The following RTN4 variants were observed in gnomAD, a reference collection of about 807,000 sequenced individuals.
RTN4 encodes the protein reticulon-4.
In RTN4, 32 loss-of-function variants were observed where a neutral mutation model predicts 90.4. The observed-to-expected ratio is 0.35, with a 90% CI of 0.27 to 0.48. The LOEUF (loss-of-function observed/expected upper bound fraction) is 0.48. Ranked by LOEUF, RTN4 falls within the 20% of genes least tolerant of loss-of-function variation. The pLI is 0.99. For synonymous variants in RTN4, 629 were observed against 552.5 expected (o/e 1.14, Z -1.94); for missense variants, 1,706 against 1,430.2 (o/e 1.19, Z -3.11).
rs1216132026 is a variant in RTN4, at chr2:55,027,376, G to A, written c.723C>T (p.Leu241=). The change falls in exon 3 of 9, where the codon CTC becomes CTT. Residue 241 remains leucine, a synonymous_variant. Transcript: ENST00000337526. ...CATGTTCTTTGAAAGAAGCGGCTGAGAGAGGAGACAGAGAAGGAAGAGAAG... is the reference window on the plus strand; with the variant it reads ...CATGTTCTTTGAAAGAAGCGGCTGAAAGAGGAGACAGAGAAGGAAGAGAAG... ...TAASLPSLSP[L]SAASFKEHEY... 2 of 1,613,590 alleles carry A rather than the reference G, an allele frequency of 1.2e-6. No individual in the cohort carries two copies. The highest frequency in any genetic ancestry group is 2.7e-5 in the African/African-American group (2 of 74,884).
chr2:55,027,539 A>C, intron 2 of RTN4, 54 bp from the exon 3 acceptor site: 2 of 1,533,044 alleles, frequency 1.3e-6, no homozygotes, highest in South Asian at 2.6e-5. Flanking sequence ...CTCAGAGTTA[A>C]TGCAAGTTTT....
upstream of RTN4, among the ~76,000 whole-genome samples, chr2:55,052,467 T>G (rs182850964): frequency 5.9e-5 from 9 of 152,338 alleles, no homozygotes; most frequent in Admixed American, 5.9e-4. Context: ...CAACAATATA[T>G]TCAAGACCTA....
intron 3 of RTN4, among the ~76,000 whole-genome samples, chr2:54,999,471 G>A (rs1448469993): frequency 2.0e-5 from 3 of 152,146 alleles, no homozygotes; most frequent in African/African-American, 2.4e-5. Flanking sequence ...CTGGGAAGGC[G>A]GGGCAGTGGG....
At chr2:55,122,572 G>A in the RTN4 span, among the ~76,000 whole-genome samples, 3 of 152,206 alleles carry the variant, frequency 2.0e-5, no homozygotes, top group Non-Finnish European at 4.4e-5. Flanking sequence ...GATGGAGCAG[G>A]CATGTGAGCA....
rs141427610 is a variant in RTN4 at position 55,033,921 on chromosome 2, T to C, written c.557-5701A>G. 1.5e-4 allele frequency among the ~76,000 whole-genome samples: 23 copies of C among 152,352 alleles called. No individual in the cohort carries two copies. In the East Asian group the frequency reaches 4.4e-3, roughly 29 times the overall value. ...CTTCTAGCTATTCTGAAATATAGAA[T>C]AAATCATTAACTATAATTTCTCTAC... On this transcript the variant is annotated intron_variant, in intron 1 of 8. Transcript: ENST00000337526.
At chr2:54,997,591 C>G (rs1183906760) in intron 3 of RTN4, among the ~76,000 whole-genome samples, 1 of 152,084 alleles carries the variant, frequency 6.6e-6, no homozygotes, top group Non-Finnish European at 1.5e-5. Context: ...AAAGAGGAGA[C>G]AGACAACCCA....
At chr2:55,016,139 A>C (rs780459942) in intron 3 of RTN4, among the ~76,000 whole-genome samples, 5 of 152,232 alleles carry the variant, frequency 3.3e-5, no homozygotes, top group African/African-American at 4.8e-5. Context: ...ACCCATACTA[A>C]GGAACACTAA....
the RTN4 span, among the ~76,000 whole-genome samples, chr2:55,132,962 T>C: frequency 2.0e-5 from 3 of 151,738 alleles, no homozygotes. Context: ...CTGTAAATCC[T>C]GTACTTTGGG....
chr2:55,005,015 G>C (rs867412721), intron 3 of RTN4, among the ~76,000 whole-genome samples: 3 of 152,014 alleles, frequency 2.0e-5, no homozygotes, highest in Non-Finnish European at 4.4e-5. Context: ...AAGGTGGAGA[G>C]AAAAACACAA....
In RTN4 at chr2:55,064,980, GTTATA is replaced by G. The variant is rs538889426; in HGVS notation, c.-63+15504_-63+15508del. On this transcript the variant is annotated intron_variant, in intron 2 of 3. Coordinates refer to the RTN4 transcript ENST00000427710. The stretch of plus-strand genomic sequence containing the variant: ...TTAATTTTCCATTTCGAATGCATGT[GTTATA>G]TTATATGTGTTTGTAAACATTGTAC... Among the ~76,000 whole-genome samples the G allele has an allele frequency of 9.1e-4, 139 of 152,246 alleles. No individual in the cohort carries two copies. The Middle Eastern group carries it at 0.017, about 19-fold the overall frequency.
chr2:55,118,826 AT>A, the RTN4 span, among the ~76,000 whole-genome samples: 2 of 152,346 alleles, frequency 1.3e-5, no homozygotes, highest in East Asian at 3.9e-4. Flanking sequence ...TCTGATTGCT[AT>A]CAGGCTTCAA....
intron 2 of RTN4, among the ~76,000 whole-genome samples, chr2:55,075,939 T>C (rs752212119): frequency 6.6e-6 from 1 of 152,190 alleles, no homozygotes; most frequent in Non-Finnish European, 1.5e-5. Flanking sequence ...AAACTCAAGA[T>C]GGATTACAGA....
At chr2:54,995,074 T>C (rs150904260) in intron 3 of RTN4, among the ~76,000 whole-genome samples, 548 of 152,148 alleles carry the variant, frequency 3.6e-3, no homozygotes, top group African/African-American at 0.013. Flanking sequence ...ACCCCATCTC[T>C]ACTAAAAATA....
At chr2:55,037,721 C>T (rs1260816529) in intron 1 of RTN4, among the ~76,000 whole-genome samples, 1 of 152,146 alleles carries the variant, frequency 6.6e-6, no homozygotes, top group African/African-American at 2.4e-5. Context: ...CGTCACTTAT[C>T]CCCCCTACTA....
At position 54,986,728 on chromosome 2, in the gene RTN4, G is replaced by A. The variant is rs139396644; in HGVS notation, c.3221+763C>T. 5.5e-3 allele frequency among the ~76,000 whole-genome samples: 837 copies of A among 152,284 alleles called. 7 individuals are homozygous for A. Among genetic ancestry groups the A allele is most frequent in the Admixed American group, 9.1e-3 (139 of 15,296 alleles). ...CGTGGTGAATTAGTCGTTGTCGGGC[G>A]TTGGTTGGGGAGTTGAACTGTTAAT... On this transcript the variant is annotated intron_variant, in intron 4 of 8. Transcript: ENST00000337526.
intron 3 of RTN4, among the ~76,000 whole-genome samples, chr2:54,998,031 T>G (rs1245463435): frequency 6.6e-6 from 1 of 152,166 alleles, no homozygotes; most frequent in Non-Finnish European, 1.5e-5. Context: ...CTGATACATG[T>G]TACAACCCAG....
At chr2:55,045,720 A>G (rs1366058693) in intron 1 of RTN4, among the ~76,000 whole-genome samples, 1 of 152,254 alleles carries the variant, frequency 6.6e-6, no homozygotes, top group East Asian at 1.9e-4. Context: ...ATAGCAGAGC[A>G]TGGATTAAAG....
At chr2:55,129,109 CAA>C in the RTN4 span, among the ~76,000 whole-genome samples, 2 of 99,304 alleles carry the variant, frequency 2.0e-5, no homozygotes, top group Admixed American at 1.0e-4. Flanking sequence ...GACTCCGTCT[CAA>C]AAAAAAAAAA....
At chr2:55,011,543 A>G (rs939104005) in intron 3 of RTN4, among the ~76,000 whole-genome samples, 4 of 152,232 alleles carry the variant, frequency 2.6e-5, no homozygotes, top group African/African-American at 9.6e-5. Context: ...TAAGATACGT[A>G]GCCTATGTAC....
Sources: allele counts gnomAD v4.1 joint callset (sites outside exome capture counted in the v4.1 genomes callset), GRCh38; gene constraint gnomAD v4.1.1; transcripts MANE v1.5; gene names NCBI Gene and HGNC (gene_info 2026-07-23, HGNC 2026-07-21).